Variants in ZC3H4 observed in about 807,000 individuals in gnomAD.
ZC3H4 encodes zinc finger CCCH-type containing 4, also known as zinc finger CCCH domain-containing protein 4.
ZC3H4 carries 13 observed loss-of-function variants against 108.3 expected under a neutral mutation model. The observed-to-expected ratio is 0.12, with a 90% CI of 0.08 to 0.19. The LOEUF (loss-of-function observed/expected upper bound fraction) is 0.19, where lower values mean the gene tolerates loss of function less well. Ranked by LOEUF, ZC3H4 falls within the 10% of genes least tolerant of loss-of-function variation. The probability of loss-of-function intolerance (pLI) is 1.00; values close to 1 mark genes in which losing one functional copy is unlikely to be tolerated. For synonymous variants in ZC3H4, 917 were observed against 749.6 expected, an observed-to-expected ratio of 1.22 and a Z score of -3.65; for missense variants, 1,734 against 1,838.8, an observed-to-expected ratio of 0.94 and a Z score of 1.04.
intron 11 of ZC3H4, among the ~76,000 whole-genome samples, chr19:47,080,935 G>GT (rs932247363): frequency 3.3e-5 from 5 of 152,012 alleles, no homozygotes; most frequent in African/African-American, 1.2e-4. Context: ...ACTCGGTTAA[G>GT]TTTTTTGTAT....
intron 2 of ZC3H4, among the ~76,000 whole-genome samples, chr19:47,109,893 C>T (rs2058015907): frequency 6.6e-6 from 1 of 152,104 alleles, no homozygotes; most frequent in Non-Finnish European, 1.5e-5. Flanking sequence ...ATCAGAAGTA[C>T]AGTGTTTGGT....
Position 47,094,172 on chromosome 19 carries a change from C to A in ZC3H4, c.382-92G>T, listed in dbSNP as rs371516953. On this transcript the variant is annotated intron_variant, in intron 3 of 14. Transcript: ENST00000253048. ...CAGGACAAACTATGCTGGCATGTGC[C>A]GCAGGGCTCTGCGCTTCACCTGAAA... The A allele has an allele frequency of 4.5e-6, 6 of 1,332,618 alleles. No individual in the cohort carries two copies. The East Asian group carries it at 9.3e-5, about 21-fold the overall frequency. 82.5% of individuals were successfully genotyped at this position (1,332,618 alleles called of 1,614,324 possible).
rs540912115 is a variant in ZC3H4, at chr19:47,100,852, C to T, written c.162-6244G>A. Among the ~76,000 whole-genome samples the T allele has an allele frequency of 1.2e-4, 19 of 152,010 alleles. No individual in the cohort carries two copies. In the South Asian group the frequency reaches 3.3e-3, roughly 27 times the overall value. ...TACTGGGATTACTGACACCTGCCACCGCGTCCAGATAATTTTTGTATTTTT... is the reference window on the plus strand; with the variant it reads ...TACTGGGATTACTGACACCTGCCACTGCGTCCAGATAATTTTTGTATTTTT... On this transcript the variant is annotated intron_variant, in intron 2 of 14. Coordinates refer to ENST00000253048, the MANE Select transcript of ZC3H4 (RefSeq NM_015168.2).
At position 47,086,484 on chromosome 19, in the gene ZC3H4, C is replaced by T. The variant is rs754813898; in HGVS notation, c.770G>A (p.Arg257Gln). 3 of 1,609,342 alleles carry T rather than the reference C, an allele frequency of 1.9e-6. No individual in the cohort carries two copies. Among genetic ancestry groups the T allele is most frequent in the East Asian group, 2.2e-5 (1 of 44,756 alleles). ...YRGRGSRGGS[R>Q]GRGMGRGSRG... ...GCTGCCCCTGCCCATGCCGCGGCCTCGCGATCCTCCACGGCTTCCTCGGCC... is the reference window on the plus strand; with the variant it reads ...GCTGCCCCTGCCCATGCCGCGGCCTTGCGATCCTCCACGGCTTCCTCGGCC... Residue 257 changes from arginine (R) to glutamine (Q), a missense_variant, in exon 6 of 15, where the codon CGA becomes CAA. Coordinates refer to ENST00000253048, the MANE Select transcript of ZC3H4 (RefSeq NM_015168.2).
At chr19:47,112,381 C>A (rs1418363652) in intron 2 of ZC3H4, 43 bp downstream of exon 2, 1 of 1,231,044 alleles carries the variant, frequency 8.1e-7, no homozygotes, top group Admixed American at 4.2e-5. Context: ...TCCTCCTCTT[C>A]CTCCCCCCGG....
chr19:47,082,520 C>T (rs1224835134), intron 9 of ZC3H4, among the ~76,000 whole-genome samples: 1 of 152,080 alleles, frequency 6.6e-6, no homozygotes, highest in African/African-American at 2.4e-5. Flanking sequence ...ACTATGTTGC[C>T]CAGGCTGGTC....
At chr19:47,092,821 A>AATAC (rs1212116187) in intron 4 of ZC3H4, among the ~76,000 whole-genome samples, 5 of 146,604 alleles carry the variant, frequency 3.4e-5, no homozygotes, top group Admixed American at 1.4e-4. Context: ...CGTCTCAATA[A>AATAC]ATAAATAAAT....
intron 2 of ZC3H4, among the ~76,000 whole-genome samples, chr19:47,101,102 G>A (rs932804221): frequency 3.9e-5 from 6 of 152,080 alleles, no homozygotes; most frequent in African/African-American, 1.2e-4. Flanking sequence ...AGCATTTTGG[G>A]AGGCCAACAG....
intron 4 of ZC3H4, among the ~76,000 whole-genome samples, chr19:47,092,605 T>TCAGGAGTTCGAGGC (rs2057753084): frequency 6.7e-6 from 1 of 150,036 alleles, no homozygotes; most frequent in African/African-American, 2.4e-5. Flanking sequence ...TCACCTGAGG[T>TCAGGAGTTCGAGGC]CAGGAGTTCG....
chr19:47,110,775 C>G (rs1196262331), intron 2 of ZC3H4: 2 of 483,988 alleles, frequency 4.1e-6, no homozygotes, highest in East Asian at 3.0e-4. Context: ...GCTTAGCGAA[C>G]AGACCTTTGC....
Position 47,085,351 on chromosome 19 carries a change from G to C in ZC3H4, c.934C>G (p.Gln312Glu). The change falls in exon 7 of 15, where the codon CAG becomes GAG. Residue 312 changes from glutamine (Q) to glutamate (E), a missense_variant. Coordinates refer to ENST00000253048, the MANE Select transcript of ZC3H4 (RefSeq NM_015168.2). ...DYDEYSKELNQYRRSKDSRGR... is the reference protein window; with the variant it reads ...DYDEYSKELNEYRRSKDSRGR... The stretch of plus-strand genomic sequence containing the variant: ...CGGCTGTCCTTGGAGCGGCGGTACT[G>C]GTTCAGCTCCTTGGAGTACTCGTCA... 1.9e-6 allele frequency: 3 copies of C among 1,603,294 alleles called. No individual in the cohort carries two copies. In the South Asian group the frequency reaches 3.3e-5, roughly 18 times the overall value.
chr19:47,080,881 C>A (rs1600033521), intron 11 of ZC3H4, among the ~76,000 whole-genome samples: 1 of 152,104 alleles, frequency 6.6e-6, no homozygotes, highest in South Asian at 2.1e-4. Context: ...GATCTGCCCG[C>A]CTCAGACTCC....
At chr19:47,079,054 A>T (rs1480115474) in intron 11 of ZC3H4, among the ~76,000 whole-genome samples, 23 of 146,052 alleles carry the variant, frequency 1.6e-4, no homozygotes, top group Admixed American at 7.4e-4. Context: ...TTTGAGACAG[A>T]GTCTCGCTCT....
intron 8 of ZC3H4, 22 bp downstream of exon 8, chr19:47,085,029 CATCAG>C: frequency 1.2e-6 from 2 of 1,613,140 alleles, no homozygotes; most frequent in African/African-American, 1.3e-5. Flanking sequence ...TTGGCCCAAA[CATCAG>C]ATCAGAGTGG....
chr19:47,066,948 G>T lies in ZC3H4; in HGVS notation c.3320C>A (p.Ala1107Asp). The T allele has an allele frequency of 6.3e-7, 1 of 1,594,936 alleles. No homozygotes were observed. The part of the protein sequence containing the change: ...PGPAEAPSPT[A>D]SPSGDASPPA... ...TGGGGAGGCATCCCCACTCGGGCTG[G>T]CGGTGGGAGAGGGCGCCTCAGCAGG... The change falls in exon 15 of 15, where the codon GCC becomes GAC. Residue 1107 changes from alanine to aspartate, a missense_variant. Ala to Asp is a moderately radical substitution (Grantham distance 126, BLOSUM62 -2). This residue lies in a region of ZC3H4 where 518 missense variants were observed against 499.6 expected (regional missense o/e 1.04). Coordinates refer to ENST00000253048, the MANE Select transcript of ZC3H4 (RefSeq NM_015168.2).
Position 47,067,444 on chromosome 19 carries a change from C to T in ZC3H4, c.2824G>A (p.Asp942Asn). The T allele has an allele frequency of 6.3e-7, 1 of 1,598,414 alleles. No homozygotes were observed. Among genetic ancestry groups the T allele is most frequent in the Non-Finnish European group, 8.5e-7 (1 of 1,171,552 alleles). ...CGCAGAGGGTGCCCGGGGAGTGGGT[C>T]CAGGGGAATGTTCACGGCCTTCTCC... Reference protein sequence around the residue: ...LREKAVNIPLDPLPGHPLRDP... With the variant: ...LREKAVNIPLNPLPGHPLRDP... Residue 942 changes from aspartate to asparagine, a missense_variant, in exon 15 of 15, where the codon GAC becomes AAC. Asp to Asn is a conservative substitution (Grantham distance 23). Coordinates refer to ENST00000253048, the MANE Select transcript of ZC3H4 (RefSeq NM_015168.2). The surrounding 1 kb of genome is among the most constrained non-coding windows in gnomAD (Gnocchi z 6.4).
chr19:47,112,560 G>T lies in ZC3H4; in HGVS notation c.25C>A (p.Pro9Thr). Residue 9 changes from proline (P) to threonine (T), a missense_variant, in exon 2 of 15, where the codon CCG becomes ACG. Pro to Thr is a conservative substitution (Grantham distance 38). This residue lies in a region of ZC3H4 where 112 missense variants were observed against 73.3 expected (regional missense o/e 1.53). Transcript: ENST00000253048. MEAAPGTP[P>T]PPPSESPPPP... ...GGCGGCGACTCTGATGGCGGCGGCG[G>T]GGGGGTCCCGGGCGCGGCCTCCATA... is the stretch of plus-strand genomic sequence containing the variant. 1 of 1,028,380 alleles carries T rather than the reference G, an allele frequency of 9.7e-7. No individual in the cohort carries two copies. The highest frequency in any genetic ancestry group is 1.3e-6 in the Non-Finnish European group (1 of 797,166). 63.7% of individuals were successfully genotyped at this position (1,028,380 alleles called of 1,614,324 possible).
intron 2 of ZC3H4, among the ~76,000 whole-genome samples, chr19:47,097,770 C>A (rs1462450252): frequency 6.6e-6 from 1 of 152,094 alleles, no homozygotes; most frequent in Non-Finnish European, 1.5e-5. Flanking sequence ...GAAGCCCCAC[C>A]GCGCTAATCA....
intron 2 of ZC3H4, among the ~76,000 whole-genome samples, chr19:47,101,993 C>T (rs1438279552): frequency 6.6e-6 from 1 of 152,064 alleles, no homozygotes; most frequent in East Asian, 1.9e-4. Context: ...GAGACCATGC[C>T]ATTGCACTCC....
Sources: gnomAD v4.1 joint callset for allele counts (sites outside exome capture counted in the v4.1 genomes callset) on GRCh38, gnomAD v4.1.1 for gene constraint, gnomAD v4.1.1 regional missense constraint, Gnocchi (gnomAD v3.1) non-coding constraint, MANE v1.5 for transcripts, NCBI Gene and HGNC (gene_info 2026-07-23, HGNC 2026-07-21) for gene names.